ABCG5: variants seen among roughly 807,000 people sequenced by gnomAD.
ABCG5 encodes ATP binding cassette subfamily G member 5.
ABCG5 carries 64 observed loss-of-function variants against 64.5 expected under a neutral mutation model. The ratio of observed to expected loss-of-function variants is 0.99; its 90% CI spans 0.81 to 1.22. The LOEUF (loss-of-function observed/expected upper bound fraction) is 1.22, where lower values mean the gene tolerates loss of function less well. Among genes scored for constraint, ABCG5 ranks in the 50% most tolerant of loss-of-function variants. ABCG5 has a pLI of 0.00. For missense variants in ABCG5, 908 were observed against 829.5 expected (o/e 1.09, Z -1.16); for synonymous variants, 385 against 326.3 (o/e 1.18, Z -1.94).
At chr2:43,813,535 A>G (rs1666599200) in intron 12 of ABCG5, among the ~76,000 whole-genome samples, 1 of 152,058 alleles carries the variant, frequency 6.6e-6, no homozygotes, top group Non-Finnish European at 1.5e-5. Flanking sequence ...TCATTACCAT[A>G]TTTGTGATAA....
intron 4 of ABCG5, 126 bp from the exon 5 acceptor site, chr2:43,828,241 C>G: frequency 7.8e-7 from 1 of 1,277,746 alleles, no homozygotes; most frequent in Non-Finnish European, 1.1e-6. Context: ...TCCAGACTCA[C>G]CACACCCTGG....
In ABCG5 at chr2:43,812,495, GTTTT is replaced by G. The variant is rs1436719009; in HGVS notation, c.*617_*620del. 6.5e-6 allele frequency: 1 copy of G among 152,806 alleles called. No homozygotes were observed. Among genetic ancestry groups the G allele is most frequent in the Non-Finnish European group, 1.5e-5 (1 of 68,608 alleles). The allele number at this position is 152,806 out of a possible 1,614,324, so 9.5% of individuals were successfully genotyped here. On this transcript the variant is annotated 3_prime_UTR_variant, in exon 13 of 13. Transcript: ENST00000405322. ...GTTCACTGTTGAGCCCATTCCTACG[GTTTT>G]TTATTTTAATCCTCAGTAAAATCAC... is the stretch of plus-strand genomic sequence containing the variant.
chr2:43,822,487 C>A (rs571367118), intron 10 of ABCG5: 16 of 932,022 alleles, frequency 1.7e-5, no homozygotes, highest in African/African-American at 1.8e-5. Context: ...GGCCCCCCCC[C>A]ATGCACCTGG....
chr2:43,830,261 T>A (rs981803102), intron 4 of ABCG5, among the ~76,000 whole-genome samples: 5 of 152,244 alleles, frequency 3.3e-5, no homozygotes, highest in African/African-American at 1.2e-4. Context: ...GAAGGACTAT[T>A]GGGATGAGCA....
chr2:43,812,914 AGTT>A lies in ABCG5; in HGVS notation c.*199_*201del. 1 of 579,532 alleles carries A rather than the reference AGTT, an allele frequency of 1.7e-6. No homozygotes were observed. The highest frequency in any genetic ancestry group is 2.9e-5 in the East Asian group (1 of 34,412). The allele number at this position is 579,532 out of a possible 1,614,324, so 35.9% of individuals were successfully genotyped here. ...TTCCAAATAACCACATGTCCCTGCA[AGTT>A]GTAAGAGCAAGGGACTATAAACCAC... On this transcript the variant is annotated 3_prime_UTR_variant, in exon 13 of 13. Coordinates refer to ENST00000405322, the MANE Select transcript of ABCG5 (RefSeq NM_022436.3).
At position 43,838,104 on chromosome 2, in the gene ABCG5, A is replaced by G. The variant is rs1019829287; in HGVS notation, c.144-149T>C. The stretch of plus-strand genomic sequence containing the variant: ...TTTCAGTCTCTGCGCCCTCCTCTGT[A>G]GAACCTGGCAGATAGCGACTGAGGC... On this transcript the variant is annotated intron_variant, in intron 1 of 12. Transcript: ENST00000405322. The surrounding 1 kb of genome is among the most constrained non-coding windows in gnomAD (Gnocchi z 4.2). 2 of 1,040,422 alleles carry G rather than the reference A, an allele frequency of 1.9e-6. No individual in the cohort carries two copies. Among genetic ancestry groups the G allele is most frequent in the African/African-American group, 3.2e-5 (2 of 62,922 alleles). 64.4% of individuals were successfully genotyped at this position (1,040,422 alleles called of 1,614,324 possible).
chr2:43,822,581 CT>C (rs1318102310), intron 10 of ABCG5: 3 of 984,836 alleles, frequency 3.0e-6, no homozygotes, highest in Non-Finnish European at 3.6e-6. Flanking sequence ...CACATGTCAT[CT>C]TGTTGGTTTG....
chr2:43,828,623 C>T lies in ABCG5; in HGVS notation c.502-508G>A, dbSNP rs138628329. ...ACCACAGTTAGCCATGATGGCACCA[C>T]TGCACTCCAGCCTAGGTGACAGAGC... On this transcript the variant is annotated intron_variant, in intron 4 of 12. Coordinates refer to ENST00000405322, the MANE Select transcript of ABCG5 (RefSeq NM_022436.3). 5.5e-4 allele frequency among the ~76,000 whole-genome samples: 83 copies of T among 152,234 alleles called. No individual in the cohort carries two copies. The East Asian group carries it at 0.014, about 25-fold the overall frequency.
chr2:43,817,177 C>G (rs753070362), intron 11 of ABCG5, among the ~76,000 whole-genome samples: 1 of 152,352 alleles, frequency 6.6e-6, no homozygotes, highest in South Asian at 2.1e-4. Context: ...TTCTTTGCAA[C>G]TGCCTACCTT....
At chr2:43,822,713 A>T (rs1572762597) in intron 10 of ABCG5, 84 bp downstream of exon 10, 1 of 1,477,554 alleles carries the variant, frequency 6.8e-7, no homozygotes, top group Admixed American at 2.0e-5. Context: ...AGAGAACTTC[A>T]CCCTGGAGCT....
chr2:43,822,431 G>T, intron 10 of ABCG5: 1 of 787,258 alleles, frequency 1.3e-6, no homozygotes, highest in Non-Finnish European at 1.5e-6. Flanking sequence ...CTCTGAATGT[G>T]TCTGTTTTAA....
downstream of ABCG5, chr2:43,809,968 A>T (rs1453369906): frequency 3.9e-6 from 5 of 1,278,546 alleles, no homozygotes; most frequent in Non-Finnish European, 5.0e-6. Context: ...AACCACGTGT[A>T]ATTTTTTTTA....
chr2:43,832,042 G>T lies in ABCG5; in HGVS notation c.307C>A (p.Leu103Met). Reference protein sequence around the residue: ...TTLLDAMSGRLGRAGTFLGEV... With the variant: ...TTLLDAMSGRMGRAGTFLGEV... ...CCCAGGAAGGTCCCCGCGCGCCCCAGCCTCCCGGACATGGCGTCCAGCAGC... is the reference window on the plus strand; with the variant it reads ...CCCAGGAAGGTCCCCGCGCGCCCCATCCTCCCGGACATGGCGTCCAGCAGC... The change falls in exon 3 of 13, where the codon CTG becomes ATG. Residue 103 changes from leucine (L) to methionine (M), a missense_variant. Physicochemically the swap from Leu to Met is conservative, Grantham distance 15. Transcript: ENST00000405322. 6.3e-7 allele frequency: 1 copy of T among 1,578,832 alleles called. No homozygotes were observed. The highest frequency in any genetic ancestry group is 1.3e-5 in the African/African-American group (1 of 74,482).
Position 43,838,502 on chromosome 2 carries a change from C to T in ABCG5, c.143+35G>A. On this transcript the variant is annotated intron_variant, in intron 1 of 12. Transcript: ENST00000405322. This position sits in a 1 kb window ranked among gnomAD's most constrained non-coding sequence, Gnocchi z 4.2. ...GGGGTGAGCGCCGGGCCCCGCACTC[C>T]TGGGGGAGCAGCAGCAGCAAGGGCT... The T allele has an allele frequency of 6.3e-7, 1 of 1,575,020 alleles. No homozygotes were observed. The highest frequency in any genetic ancestry group is 8.6e-7 in the Non-Finnish European group (1 of 1,160,464).
Position 43,823,960 on chromosome 2 carries a change from A to T in ABCG5, c.1277T>A (p.Phe426Tyr), listed in dbSNP as rs772415178. 6 of 1,614,094 alleles carry T rather than the reference A, an allele frequency of 3.7e-6. No individual in the cohort carries two copies. The highest frequency in any genetic ancestry group is 1.1e-5 in the South Asian group (1 of 91,084). The change falls in exon 9 of 13, where the codon TTT becomes TAT. Residue 426 changes from phenylalanine (F) to tyrosine (Y), a missense_variant. Transcript: ENST00000405322. ...IQDRVGLLYQ[F>Y]VGATPYTGML... The stretch of plus-strand genomic sequence containing the variant: ...GCCTGTGTACGGGGTGGCGCCCACA[A>T]ACTGGTAAAGGAGACCTACGCGGTC...
chr2:43,817,247 G>A (rs572313580), intron 11 of ABCG5, among the ~76,000 whole-genome samples: 2 of 152,340 alleles, frequency 1.3e-5, no homozygotes, highest in African/African-American at 4.8e-5. Context: ...CACCTTGGGA[G>A]GCCGAGGCAG....
intron 10 of ABCG5, chr2:43,822,423 C>G: frequency 1.3e-6 from 1 of 747,046 alleles, no homozygotes; most frequent in Non-Finnish European, 1.6e-6. Flanking sequence ...TTCCCACCCT[C>G]TGAATGTGTC....
rs547700580 is a variant in ABCG5, at chr2:43,820,491, C to T, written c.1464-391G>A. Among the ~76,000 whole-genome samples the T allele has an allele frequency of 2.6e-5, 4 of 152,260 alleles. No homozygotes were observed. In the South Asian group the frequency reaches 6.2e-4, roughly 24 times the overall value. On this transcript the variant is annotated intron_variant, in intron 10 of 12. Transcript: ENST00000405322. ...ACCTAATGTTAAAGGGCTCACCCAA[C>T]CCGCTTCCCAGCACCCCCTTCCCTG...
downstream of ABCG5, among the ~76,000 whole-genome samples, chr2:43,811,600 C>T (rs1285248311): frequency 2.1e-5 from 3 of 144,386 alleles, no homozygotes; most frequent in Non-Finnish European, 4.6e-5. Flanking sequence ...AATACAGAAC[C>T]TTTTTTTTTT....
Sources: allele counts gnomAD v4.1 joint callset (sites outside exome capture counted in the v4.1 genomes callset), GRCh38; gene constraint gnomAD v4.1.1; non-coding constraint Gnocchi (gnomAD v3.1); transcripts MANE v1.5; gene names NCBI Gene and HGNC (gene_info 2026-07-23, HGNC 2026-07-21).